CBFA2T2: variants seen among roughly 807,000 people sequenced by gnomAD.
The protein encoded by CBFA2T2 is CBFA2/RUNX1 partner transcriptional co-repressor 2.
Under a neutral mutation model 62.2 loss-of-function variants are expected in CBFA2T2, and 11 were observed. The ratio of observed to expected loss-of-function variants is 0.18; its 90% CI spans 0.11 to 0.29. CBFA2T2 has a LOEUF of 0.29. Ranked by LOEUF, CBFA2T2 falls within the 10% of genes least tolerant of loss-of-function variation. The pLI is 1.00. For synonymous variants in CBFA2T2, 295 were observed against 287.5 expected (o/e 1.03, Z -0.27); for missense variants, 592 against 774.1 (o/e 0.76, Z 2.79).
chr20:33,539,950 T>C (rs1392380616), intron 1 of CBFA2T2, among the ~76,000 whole-genome samples: 1 of 152,100 alleles, frequency 6.6e-6, no homozygotes, highest in African/African-American at 2.4e-5. Context: ...GGATTATTGG[T>C]GTGAGCCACC....
chr20:33,542,099 G>A (rs2012424757), intron 1 of CBFA2T2, among the ~76,000 whole-genome samples: 1 of 152,158 alleles, frequency 6.6e-6, no homozygotes. Context: ...TTAAAGTTTG[G>A]ATTCCTGGAC....
chr20:33,616,720 G>A (rs1307468328), intron 3 of CBFA2T2, among the ~76,000 whole-genome samples: 1 of 149,578 alleles, frequency 6.7e-6, no homozygotes, highest in African/African-American at 2.5e-5. Context: ...AAACAAGACT[G>A]TGTCTCAAAA....
At chr20:33,622,936 C>T (rs1412556928) in intron 4 of CBFA2T2, among the ~76,000 whole-genome samples, 179 bp from the exon 5 acceptor site, 6 of 152,162 alleles carry the variant, frequency 3.9e-5, no homozygotes, top group Non-Finnish European at 7.4e-5. Context: ...GACAATTGAA[C>T]CAGTAATTCA....
chr20:33,561,299 G>A (rs1044778777), intron 1 of CBFA2T2, among the ~76,000 whole-genome samples: 2 of 151,866 alleles, frequency 1.3e-5, no homozygotes, highest in Admixed American at 6.6e-5. Context: ...GATCTCAAAC[G>A]CCTGAGCTCA....
chr20:33,525,480 C>T (rs1333106553), intron 1 of CBFA2T2, among the ~76,000 whole-genome samples: 3 of 152,128 alleles, frequency 2.0e-5, no homozygotes, highest in Non-Finnish European at 4.4e-5. Context: ...GTCACTGCAC[C>T]TGGCCCTACC....
chr20:33,528,304 C>A (rs1341964270), intron 1 of CBFA2T2, among the ~76,000 whole-genome samples: 1 of 152,180 alleles, frequency 6.6e-6, no homozygotes, highest in African/African-American at 2.4e-5. Flanking sequence ...ACTCAGGTAA[C>A]TAAGCAAGAC....
intron 1 of CBFA2T2, chr20:33,562,583 T>G: frequency 1.0e-6 from 1 of 985,818 alleles, no homozygotes; most frequent in Non-Finnish European, 1.2e-6. Context: ...CTTTGAAGAT[T>G]AGGAGGAGAA....
chr20:33,490,138 T>G lies in CBFA2T2; in HGVS notation c.-130T>G. The G allele has an allele frequency of 2.1e-6, 2 of 930,806 alleles. No homozygotes were observed. The highest frequency in any genetic ancestry group is 2.7e-6 in the Non-Finnish European group (2 of 732,210). The allele number at this position is 930,806 out of a possible 1,614,324, so 57.7% of individuals were successfully genotyped here. A position where few individuals can be genotyped will look rare whatever the true frequency, so the allele number is the denominator to read the frequency against. Reference sequence around the variant, plus strand: ...CGACAGCAGCGGTGGTGGTGTCTGGTTAGCTCGGCGGCTGCAGATCTCGCG... The same window carrying G: ...CGACAGCAGCGGTGGTGGTGTCTGGGTAGCTCGGCGGCTGCAGATCTCGCG... On this transcript the variant is annotated 5_prime_UTR_variant, in exon 1 of 11. Transcript: ENST00000342704.
At chr20:33,581,256 A>G (rs2014099581) in intron 1 of CBFA2T2, among the ~76,000 whole-genome samples, 2 of 151,876 alleles carry the variant, frequency 1.3e-5, no homozygotes, top group Admixed American at 1.3e-4. Context: ...ATGGGGTTTC[A>G]CCATGTTGAT....
intron 1 of CBFA2T2, among the ~76,000 whole-genome samples, chr20:33,517,355 G>T (rs2011617450): frequency 6.6e-6 from 1 of 151,910 alleles, no homozygotes; most frequent in Admixed American, 6.6e-5. Flanking sequence ...CAGAAGCCTT[G>T]CCAATTTTCA....
chr20:33,578,280 A>C (rs1254553684), intron 1 of CBFA2T2, among the ~76,000 whole-genome samples: 1 of 152,174 alleles, frequency 6.6e-6, no homozygotes, highest in Non-Finnish European at 1.5e-5. Context: ...ATTGAGTATT[A>C]GTTTCCTTGG....
intron 1 of CBFA2T2, among the ~76,000 whole-genome samples, chr20:33,504,488 C>T (rs868396067): frequency 9.3e-5 from 14 of 149,904 alleles, no homozygotes; most frequent in South Asian, 2.1e-4. Flanking sequence ...CGGCAGCCTC[C>T]GCCTCCTGAG....
At chr20:33,525,135 C>T (rs942051872) in intron 1 of CBFA2T2, among the ~76,000 whole-genome samples, 7 of 151,696 alleles carry the variant, frequency 4.6e-5, no homozygotes, top group East Asian at 1.9e-4. Context: ...TGCACCCGGC[C>T]GCTTTTTTTG....
intron 1 of CBFA2T2, among the ~76,000 whole-genome samples, chr20:33,526,297 C>T (rs1463103388): frequency 6.6e-6 from 1 of 152,128 alleles, no homozygotes; most frequent in East Asian, 1.9e-4. Flanking sequence ...AATAAGGTGT[C>T]TTTCATCAGA....
intron 1 of CBFA2T2, chr20:33,562,374 A>T: frequency 1.0e-6 from 1 of 986,016 alleles, no homozygotes; most frequent in Non-Finnish European, 1.2e-6. Flanking sequence ...GGGAGGGAGA[A>T]AAAGAGAGAG....
intron 1 of CBFA2T2, among the ~76,000 whole-genome samples, chr20:33,494,201 C>T (rs1414714452): frequency 3.2e-4 from 36 of 112,032 alleles, no homozygotes; most frequent in African/African-American, 1.2e-3. Context: ...TTTTAAATGG[C>T]GATTATAGTG....
At chr20:33,593,928 A>C (rs2014776078) in intron 1 of CBFA2T2, among the ~76,000 whole-genome samples, 2 of 152,222 alleles carry the variant, frequency 1.3e-5, no homozygotes, top group Non-Finnish European at 2.9e-5. Context: ...TGCTGAGTAG[A>C]TCATGGCATT....
At chr20:33,503,014 C>T (rs1426686827) in intron 1 of CBFA2T2, among the ~76,000 whole-genome samples, 1 of 142,272 alleles carries the variant, frequency 7.0e-6, no homozygotes, top group African/African-American at 2.6e-5. Flanking sequence ...TGGCGTGAAC[C>T]CGGGAGGCGG....
intron 1 of CBFA2T2, among the ~76,000 whole-genome samples, chr20:33,494,276 T>TTC (rs2011176411): frequency 1.9e-5 from 1 of 52,560 alleles, no homozygotes; most frequent in African/African-American, 7.5e-5. Flanking sequence ...TATATATATT[T>TTC]TTTTTTTTTT....
Sources: gnomAD v4.1 joint callset for allele counts (sites outside exome capture counted in the v4.1 genomes callset) on GRCh38, gnomAD v4.1.1 for gene constraint, MANE v1.5 for transcripts, NCBI Gene and HGNC (gene_info 2026-07-23, HGNC 2026-07-21) for gene names.